SHISA6: variants seen among roughly 807,000 people sequenced by gnomAD.
The protein encoded by SHISA6 is shisa family member 6.
A neutral mutation model predicts 47.9 loss-of-function variants in SHISA6; 22 were observed. The ratio of observed to expected loss-of-function variants is 0.46; its 90% CI spans 0.33 to 0.66. The LOEUF (loss-of-function observed/expected upper bound fraction) is 0.66, where lower values mean the gene tolerates loss of function less well. Among genes scored for constraint, SHISA6 ranks in the 30% least tolerant of loss-of-function variants. The pLI, the probability that SHISA6 is intolerant of heterozygous loss-of-function variation, is 0.02. For missense variants in SHISA6, 680 were observed against 764.6 expected (o/e 0.89, Z 1.30); for synonymous variants, 388 against 337.8 (o/e 1.15, Z -1.63).
At chr17:11,544,752 A>G (rs977280541) in intron 3 of SHISA6, among the ~76,000 whole-genome samples, 3 of 152,086 alleles carry the variant, frequency 2.0e-5, no homozygotes, top group Non-Finnish European at 4.4e-5. Flanking sequence ...CGAGGTCAGG[A>G]GATTGCGACC....
intron 3 of SHISA6, among the ~76,000 whole-genome samples, chr17:11,499,683 CTTT>C (rs372464937): frequency 1.1e-4 from 14 of 127,522 alleles, no homozygotes; most frequent in South Asian, 2.5e-4. Context: ...CTTTTTCTTT[CTTT>C]TTTTTTTTTT....
At chr17:11,441,300 A>C (rs1157584536) in intron 3 of SHISA6, among the ~76,000 whole-genome samples, 2 of 152,202 alleles carry the variant, frequency 1.3e-5, no homozygotes, top group East Asian at 3.9e-4. Context: ...TGAAAATATA[A>C]GGCTTTGGGG....
At chr17:11,360,976 T>TTC (rs35092168) in intron 2 of SHISA6, among the ~76,000 whole-genome samples, 31 of 150,930 alleles carry the variant, frequency 2.1e-4, no homozygotes, top group South Asian at 4.2e-4. Context: ...GTTTTCTTTT[T>TTC]CCCCCACTGA....
intron 3 of SHISA6, among the ~76,000 whole-genome samples, chr17:11,490,207 A>T (rs769527073): frequency 2.0e-5 from 3 of 152,166 alleles, no homozygotes; most frequent in Non-Finnish European, 4.4e-5. Flanking sequence ...GACCTTGTAG[A>T]TGCATAGCGT....
chr17:11,379,600 T>C, intron 3 of SHISA6, 91 bp downstream of exon 3: 1 of 857,224 alleles, frequency 1.2e-6, no homozygotes, highest in Non-Finnish European at 1.8e-6. Context: ...CAGAGGCTTG[T>C]CTGGGACAGG....
chr17:11,550,825 G>T (rs1468575221), intron 3 of SHISA6, among the ~76,000 whole-genome samples: 1 of 152,246 alleles, frequency 6.6e-6, no homozygotes, highest in Non-Finnish European at 1.5e-5. Context: ...AAACCTTGGA[G>T]TAGAGCTGAA....
In SHISA6 at chr17:11,263,402, C is replaced by A. The variant is rs1210116687; in HGVS notation, c.675C>A (p.Ile225=). The A allele has an allele frequency of 6.4e-7, 1 of 1,552,126 alleles. No individual in the cohort carries two copies. Among genetic ancestry groups the A allele is most frequent in the South Asian group, 1.2e-5 (1 of 84,056 alleles). ...ACATCTTAAGACAACAGGGACCAAT[C>A]CCCATAGCACACTGTGAAAGAGAAA... is the stretch of plus-strand genomic sequence containing the variant. ...LADILRQQGP[I]PIAHCERETI... is the part of the protein sequence containing the mutation. The change falls in exon 2 of 6, where the codon ATC becomes ATA. Residue 225 remains isoleucine, a synonymous_variant. Transcript: ENST00000441885.
intron 3 of SHISA6, among the ~76,000 whole-genome samples, chr17:11,466,983 AGTGCT>A (rs1915825160): frequency 6.6e-6 from 1 of 152,118 alleles, no homozygotes; most frequent in Non-Finnish European, 1.5e-5. Context: ...GCCTAAACTG[AGTGCT>A]GTGGCTCTTT....
At chr17:11,431,783 A>C (rs1914784049) in intron 3 of SHISA6, among the ~76,000 whole-genome samples, 1 of 152,234 alleles carries the variant, frequency 6.6e-6, no homozygotes, top group Non-Finnish European at 1.5e-5. Flanking sequence ...TAGGTATTCT[A>C]AGTTAAAAAC....
At chr17:11,302,542 C>T (rs1465927449) in intron 2 of SHISA6, among the ~76,000 whole-genome samples, 1 of 152,108 alleles carries the variant, frequency 6.6e-6, no homozygotes, top group Non-Finnish European at 1.5e-5. Flanking sequence ...ATGAACGTGC[C>T]AGAAACAGGC....
intron 3 of SHISA6, among the ~76,000 whole-genome samples, chr17:11,427,294 T>C (rs1914635338): frequency 6.6e-6 from 1 of 152,092 alleles, no homozygotes; most frequent in Non-Finnish European, 1.5e-5. Context: ...CCACACCACC[T>C]GTCTAATTTT....
intron 3 of SHISA6, among the ~76,000 whole-genome samples, chr17:11,407,935 G>T (rs2142269758): frequency 6.6e-6 from 1 of 152,202 alleles, no homozygotes; most frequent in South Asian, 2.1e-4. Context: ...TGGCTTCATT[G>T]GTGACCTCAC....
chr17:11,523,391 A>G (rs2071646750), intron 3 of SHISA6, among the ~76,000 whole-genome samples: 2 of 152,210 alleles, frequency 1.3e-5, no homozygotes, highest in Non-Finnish European at 2.9e-5. Context: ...CTGAATGAAA[A>G]TGCTGAAATA....
intron 2 of SHISA6, among the ~76,000 whole-genome samples, chr17:11,271,387 C>T (rs899755448): frequency 3.3e-5 from 5 of 152,096 alleles, no homozygotes; most frequent in Admixed American, 6.5e-5. Context: ...ATGACAAACT[C>T]GGGATTCAAC....
intron 2 of SHISA6, among the ~76,000 whole-genome samples, chr17:11,344,238 T>G (rs1424348419): frequency 6.6e-6 from 1 of 152,238 alleles, no homozygotes; most frequent in Non-Finnish European, 1.5e-5. Context: ...TTATCACATA[T>G]AGAATTTGTA....
At chr17:11,436,514 T>G (rs940317263) in intron 3 of SHISA6, among the ~76,000 whole-genome samples, 1 of 152,208 alleles carries the variant, frequency 6.6e-6, no homozygotes, top group African/African-American at 2.4e-5. Context: ...TCCCTATTCT[T>G]TATCAGATCT....
At chr17:11,347,190 A>C (rs1221476478) in intron 2 of SHISA6, among the ~76,000 whole-genome samples, 1 of 151,012 alleles carries the variant, frequency 6.6e-6, no homozygotes, top group African/African-American at 2.4e-5. Context: ...TCATTTTTTG[A>C]GGGAAAAAAA....
intron 3 of SHISA6, among the ~76,000 whole-genome samples, chr17:11,437,204 T>C (rs184446482): frequency 1.3e-5 from 2 of 152,302 alleles, no homozygotes; most frequent in Non-Finnish European, 2.9e-5. Context: ...CAGAATCTAA[T>C]TGATGCCCTG....
At chr17:11,325,259 T>G (rs574695208) in intron 2 of SHISA6, among the ~76,000 whole-genome samples, 1 of 152,262 alleles carries the variant, frequency 6.6e-6, no homozygotes, top group African/African-American at 2.4e-5. Context: ...CAGCAGGGCT[T>G]TGGCAGGTTG....
Sources: gnomAD v4.1 joint callset for allele counts (sites outside exome capture counted in the v4.1 genomes callset) on GRCh38, gnomAD v4.1.1 for gene constraint, MANE v1.5 for transcripts, NCBI Gene and HGNC (gene_info 2026-07-23, HGNC 2026-07-21) for gene names.